NMI: variants seen among roughly 807,000 people sequenced by gnomAD.
The protein encoded by NMI is N-myc and STAT interactor.
NMI carries 39 observed loss-of-function variants against 34.3 expected under a neutral mutation model. That is an observed-to-expected ratio of 1.14 (90% CI 0.88 to 1.49). NMI has a LOEUF of 1.49. Among genes scored for constraint, NMI ranks in the 40% most tolerant of loss-of-function variants. NMI has a pLI of 0.00. For synonymous variants in NMI, 113 were observed against 120.3 expected (o/e 0.94, Z 0.40); for missense variants, 339 against 358.1 (o/e 0.95, Z 0.43).
At chr2:151,274,918 T>C (rs572587096) in intron 6 of NMI, among the ~76,000 whole-genome samples, 2 of 152,216 alleles carry the variant, frequency 1.3e-5, no homozygotes, top group East Asian at 1.9e-4. Flanking sequence ...TCTCACTCTG[T>C]CTCCCAGGCT....
chr2:151,275,638 A>ATTGAT lies in NMI; in HGVS notation c.475_479dup (p.Asn160LysfsTer16). 1.9e-6 allele frequency: 3 copies of ATTGAT among 1,614,166 alleles called. No individual in the cohort carries two copies. The highest frequency in any genetic ancestry group is 2.5e-6 in the Non-Finnish European group (3 of 1,179,982). Reference sequence around the variant, plus strand: ...GCAATGTGTCAGGAATTTCAGTAACATTGATTTTCATTTTAGAAACTTCTA... The same window carrying ATTGAT: ...GCAATGTGTCAGGAATTTCAGTAACATTGATTTGATTTTCATTTTAGAAACTTCTA... On this transcript the variant is annotated frameshift_variant, in exon 6 of 8. Transcript: ENST00000243346. LOFTEE classifies it high-confidence loss of function.
intron 6 of NMI, among the ~76,000 whole-genome samples, chr2:151,273,814 G>A (rs1189018389): frequency 2.0e-5 from 3 of 152,138 alleles, no homozygotes; most frequent in Admixed American, 6.5e-5. Flanking sequence ...GAGCCACTGC[G>A]CCTGGCCAGA....
chr2:151,283,295 C>T (rs904187158), intron 1 of NMI, among the ~76,000 whole-genome samples: 3 of 152,054 alleles, frequency 2.0e-5, no homozygotes. Flanking sequence ...GTACCTGCCA[C>T]CATGCCCGGC....
rs577571241 is a variant in NMI, at chr2:151,275,172, G to A, written c.634+312C>T. Among the ~76,000 whole-genome samples the A allele has an allele frequency of 3.3e-5, 5 of 151,998 alleles. No homozygotes were observed. The East Asian group carries it at 7.8e-4, about 24-fold the overall frequency. On this transcript the variant is annotated intron_variant, in intron 6 of 7. Transcript: ENST00000243346. ...TAATTTTTGTATTTTTAGTAGAGAT[G>A]GGGTTTCGCCATGTTGGACAGGCTG...
At position 151,270,860 on chromosome 2, in the gene NMI, A is replaced by G. The variant is rs1361165688; in HGVS notation, c.757T>C (p.Ser253Pro). The G allele has an allele frequency of 1.2e-6, 2 of 1,611,460 alleles. No individual in the cohort carries two copies. The highest frequency in any genetic ancestry group is 2.7e-5 in the African/African-American group (2 of 74,838). Reference protein sequence around the residue: ...LKKYQIFSGTSKRTVLLTGME... With the variant: ...LKKYQIFSGTPKRTVLLTGME... ...CCTGTCAGAAGCACTGTCCTCTTAG[A>G]TGTTCCTGAAAATATCTAAGAAGGA... Residue 253 changes from serine (S) to proline (P), a missense_variant, in exon 8 of 8, where the codon TCT becomes CCT. Coordinates refer to ENST00000243346, the MANE Select transcript of NMI (RefSeq NM_004688.3).
intron 3 of NMI, among the ~76,000 whole-genome samples, chr2:151,280,656 CTAGG>C (rs1237923644): frequency 6.6e-6 from 1 of 152,156 alleles, no homozygotes; most frequent in Non-Finnish European, 1.5e-5. Context: ...AGTGGGTCGA[CTAGG>C]GCTGGCCGGT....
chr2:151,271,854 A>C (rs763260453), intron 6 of NMI, 122 bp from the exon 7 acceptor site: 14 of 582,164 alleles, frequency 2.4e-5, no homozygotes, highest in Non-Finnish European at 3.6e-5. Flanking sequence ...ATTAATTTTT[A>C]AGAAATTCTA....
chr2:151,275,489 A>G lies in NMI; in HGVS notation c.629T>C (p.Ile210Thr), dbSNP rs760004009. The G allele has an allele frequency of 1.2e-6, 2 of 1,613,306 alleles. No homozygotes were observed. Among genetic ancestry groups the G allele is most frequent in the East Asian group, 2.2e-5 (1 of 44,902 alleles). Residue 210 changes from isoleucine to threonine, a missense_variant, in exon 6 of 8, where the codon ATT (isoleucine) becomes ACT (threonine). Ile to Thr is a moderately conservative substitution (Grantham distance 89). Coordinates refer to ENST00000243346, the MANE Select transcript of NMI (RefSeq NM_004688.3). ...CCTTCTACACCCTTGAGTACCTCCAATCTCCACAAACGTGATGACTGCACT... is the reference window on the plus strand; with the variant it reads ...CCTTCTACACCCTTGAGTACCTCCAGTCTCCACAAACGTGATGACTGCACT... ...SGSAVITFVE[I>T]GVADKILKKK...
chr2:151,278,987 T>C lies in NMI; in HGVS notation c.181A>G (p.Lys61Glu), dbSNP rs755875079. The C allele has an allele frequency of 2.5e-6, 4 of 1,582,212 alleles. No homozygotes were observed. The South Asian group carries it at 4.5e-5, about 18-fold the overall frequency. The change falls in exon 4 of 8, where the codon AAA becomes GAA. Residue 61 changes from lysine to glutamate, a missense_variant. Coordinates refer to ENST00000243346, the MANE Select transcript of NMI (RefSeq NM_004688.3). ...ATCTTTGTTTCAGGAATATCCTCTT[T>C]AATCTAATCCAAATGAAAATGTTTG... ...LQEATKEFQI[K>E]EDIPETKMKF...
rs764379913 is a variant in NMI, at chr2:151,278,951, A to G, written c.217T>C (p.Ser73Pro). 1.2e-6 allele frequency: 2 copies of G among 1,610,664 alleles called. No individual in the cohort carries two copies. Among genetic ancestry groups the G allele is most frequent in the African/African-American group, 1.3e-5 (1 of 74,850 alleles). Residue 73 changes from serine to proline, a missense_variant, in exon 4 of 8, where the codon TCA becomes CCA. Transcript: ENST00000243346. Reference sequence around the variant, plus strand: ...CTGTCATTCTCAGGAGTTTCAACTGATAAGAATTTCATCTTTGTTTCAGGA... The same window carrying G: ...CTGTCATTCTCAGGAGTTTCAACTGGTAAGAATTTCATCTTTGTTTCAGGA... ...DIPETKMKFLSVETPENDSQL... is the reference protein window; with the variant it reads ...DIPETKMKFLPVETPENDSQL...
chr2:151,288,420 G>A (rs114988485), intron 1 of NMI, among the ~76,000 whole-genome samples: 4,173 of 152,218 alleles, frequency 0.027, 203 homozygotes, highest in African/African-American at 0.096. Flanking sequence ...AGCCAAATAA[G>A]GTAGGTGGCC....
At chr2:151,271,254 G>A (rs866020740) in intron 7 of NMI, among the ~76,000 whole-genome samples, 14 of 152,278 alleles carry the variant, frequency 9.2e-5, no homozygotes, top group African/African-American at 3.4e-4. Context: ...TACCTGAGAA[G>A]GAAGAGGAAA....
At chr2:151,277,659 A>G (rs1315060416) in intron 4 of NMI, 4 of 152,102 alleles carry the variant, frequency 2.6e-5, no homozygotes, top group Non-Finnish European at 5.9e-5. Context: ...CTCCTCTTCT[A>G]CCTGTAGCAG....
intron 7 of NMI, 109 bp from the exon 8 acceptor site, chr2:151,270,984 A>G (rs1226344075): frequency 1.1e-6 from 1 of 888,444 alleles, no homozygotes; most frequent in South Asian, 1.7e-5. Flanking sequence ...AGAAGAGACA[A>G]GAAATCTTAG....
intron 1 of NMI, among the ~76,000 whole-genome samples, 156 bp downstream of exon 1, chr2:151,289,437 C>T (rs1052735133): frequency 2.0e-5 from 3 of 152,194 alleles, no homozygotes; most frequent in Non-Finnish European, 2.9e-5. Context: ...CTCCGCGACT[C>T]GGCTGCGGGC....
At chr2:151,284,736 A>G (rs1244831118) in intron 1 of NMI, among the ~76,000 whole-genome samples, 1 of 152,232 alleles carries the variant, frequency 6.6e-6, no homozygotes, top group African/African-American at 2.4e-5. Flanking sequence ...CAAAAATGGG[A>G]CAAAGGATAT....
At position 151,275,840 on chromosome 2, in the gene NMI, C is replaced by T. The variant is rs752139238; in HGVS notation, c.365G>A (p.Ser122Asn). The change falls in exon 5 of 8, where the codon AGT (serine) becomes AAT (asparagine). Residue 122 changes from serine (S) to asparagine (N), a missense_variant. Coordinates refer to ENST00000243346, the MANE Select transcript of NMI (RefSeq NM_004688.3). ...ATCTTTTATCTGTACATGATGTTTA[C>T]TCATGCTTACCACATTTTGAGCAAC... is the stretch of plus-strand genomic sequence containing the variant. Reference protein sequence around the residue: ...EEVAQNVVSMSKHHVQIKDVN... With the variant: ...EEVAQNVVSMNKHHVQIKDVN... 7 of 1,601,886 alleles carry T rather than the reference C, an allele frequency of 4.4e-6. No individual in the cohort carries two copies. In the Admixed American group the frequency reaches 1.2e-4, roughly 28 times the overall value.
intron 1 of NMI, among the ~76,000 whole-genome samples, chr2:151,283,423 G>T (rs1000425291): frequency 2.6e-5 from 4 of 152,132 alleles, no homozygotes; most frequent in African/African-American, 9.7e-5. Flanking sequence ...ACAGGCGTGA[G>T]CCACAGCACC....
chr2:151,279,956 G>A (rs1047911820), intron 3 of NMI, among the ~76,000 whole-genome samples: 2 of 152,032 alleles, frequency 1.3e-5, no homozygotes, highest in African/African-American at 4.8e-5. Context: ...AGCACTTTGG[G>A]AGGCCAAAGC....
Sources: gnomAD v4.1 joint callset for allele counts (sites outside exome capture counted in the v4.1 genomes callset) on GRCh38, gnomAD v4.1.1 for gene constraint, MANE v1.5 for transcripts, NCBI Gene and HGNC (gene_info 2026-07-23, HGNC 2026-07-21) for gene names.